The following ANKRD16 variants were observed in gnomAD, a reference collection of about 807,000 sequenced individuals.
The protein encoded by ANKRD16 is ankyrin repeat domain-containing protein 16.
A neutral mutation model predicts 37.9 loss-of-function variants in ANKRD16; 35 were observed. That is an observed-to-expected ratio of 0.92 (90% CI 0.71 to 1.23). The LOEUF is 1.23. Among genes scored for constraint, ANKRD16 ranks in the 50% most tolerant of loss-of-function variants. The pLI is 0.00. For synonymous variants in ANKRD16, 206 were observed against 197.2 expected (o/e 1.04, Z -0.37); for missense variants, 480 against 469.9 (o/e 1.02, Z -0.20).
chr10:5,862,546 T>G lies in ANKRD16; in HGVS notation c.*179A>C. 8.1e-7 allele frequency: 1 copy of G among 1,232,298 alleles called. No homozygotes were observed. Among genetic ancestry groups the G allele is most frequent in the African/African-American group, 1.6e-5 (1 of 64,480 alleles). 76.3% of individuals were successfully genotyped at this position (1,232,298 alleles called of 1,614,324 possible). Reference sequence around the variant, plus strand: ...GATGTGGCACTGACTTCACCACTGGTACACCTCAGATATACAACTTTGATC... The same window carrying G: ...GATGTGGCACTGACTTCACCACTGGGACACCTCAGATATACAACTTTGATC... On this transcript the variant is annotated 3_prime_UTR_variant, in exon 8 of 8. Transcript: ENST00000380094. This position sits in a 1 kb window ranked among gnomAD's most constrained non-coding sequence, Gnocchi z 6.5.
At position 5,874,446 on chromosome 10, in the gene ANKRD16, T is replaced by C. The variant is rs1268500597; in HGVS notation, c.*33+3651A>G. Among the ~76,000 whole-genome samples, 5 of 152,174 alleles carry C rather than the reference T, an allele frequency of 3.3e-5. No homozygotes were observed. Among genetic ancestry groups the C allele is most frequent in the African/African-American group, 1.2e-4 (5 of 41,436 alleles). ...TGGAGAGGTGTATTTAAGACATGGC[T>C]GCCACTCTCTAGGAGGAGAGTGAGA... is the stretch of plus-strand genomic sequence containing the variant. On this transcript the variant is annotated intron_variant, in intron 7 of 7. Transcript: ENST00000380094. The surrounding 1 kb of genome is among the most constrained non-coding windows in gnomAD (Gnocchi z 4.7).
chr10:5,872,729 T>TG (rs1842117560), intron 7 of ANKRD16, among the ~76,000 whole-genome samples: 1 of 151,676 alleles, frequency 6.6e-6, no homozygotes, highest in African/African-American at 2.4e-5. Context: ...GCTAATTTTT[T>TG]GTATTTTTAG....
chr10:5,884,198 T>C, intron 3 of ANKRD16, 121 bp from the exon 4 acceptor site: 1 of 682,494 alleles, frequency 1.5e-6, no homozygotes, highest in Non-Finnish European at 2.5e-6. Context: ...AGCATGGAGC[T>C]CTCTCTATTC....
chr10:5,877,705 T>C (rs894498133), intron 7 of ANKRD16, among the ~76,000 whole-genome samples: 1 of 152,234 alleles, frequency 6.6e-6, no homozygotes, highest in African/African-American at 2.4e-5. Context: ...TAGCAACGTA[T>C]GTGATATTTT....
intron 5 of ANKRD16, 79 bp from the exon 6 acceptor site, chr10:5,880,455 G>T: frequency 1.3e-6 from 1 of 794,450 alleles, no homozygotes; most frequent in South Asian, 1.9e-5. Context: ...TCTGAGACAG[G>T]TCTCAATCAA....
rs184669339 is a variant in ANKRD16 at position 5,870,718 on chromosome 10, C to A, written c.*33+7379G>T. On this transcript the variant is annotated intron_variant, in intron 7 of 7. Transcript: ENST00000380094. The surrounding 1 kb of genome is among the most constrained non-coding windows in gnomAD (Gnocchi z 5.0). ...TTTTAAAATGTTGTTTCAATTACCC[C>A]CAGGGTGTCACTCCCCTTCAGGATG... Among the ~76,000 whole-genome samples, 15 of 152,222 alleles carry A rather than the reference C, an allele frequency of 9.9e-5. No homozygotes were observed. Among genetic ancestry groups the A allele is most frequent in the East Asian group, 5.8e-4 (3 of 5,172 alleles).
intron 7 of ANKRD16, among the ~76,000 whole-genome samples, chr10:5,867,836 T>C (rs539236123): frequency 1.3e-5 from 2 of 152,304 alleles, no homozygotes; most frequent in East Asian, 3.9e-4. Context: ...CCAGTAAGGA[T>C]AGTAACTACG....
chr10:5,868,453 G>A lies in ANKRD16; in HGVS notation c.*34-5762C>T, dbSNP rs1462553806. ...ATTTCCTGGATCAAGTGGGGACTTG[G>A]AGAACTTTTCTGTCTAGCTAAAGGA... On this transcript the variant is annotated intron_variant, in intron 7 of 7. Coordinates refer to ENST00000380094, the MANE Select transcript of ANKRD16 (RefSeq NM_019046.3). This position sits in a 1 kb window ranked among gnomAD's most constrained non-coding sequence, Gnocchi z 4.9. 1.3e-5 allele frequency among the ~76,000 whole-genome samples: 2 copies of A among 152,174 alleles called. No individual in the cohort carries two copies. The highest frequency in any genetic ancestry group is 2.1e-4 in the South Asian group (1 of 4,820).
chr10:5,866,818 T>C lies in ANKRD16; in HGVS notation c.*34-4127A>G, dbSNP rs946172776. Among the ~76,000 whole-genome samples, 1 of 145,736 alleles carries C rather than the reference T, an allele frequency of 6.9e-6. No homozygotes were observed. The highest frequency in any genetic ancestry group is 2.6e-5 in the African/African-American group (1 of 39,084). On this transcript the variant is annotated intron_variant, in intron 7 of 7. Transcript: ENST00000380094. This position sits in a 1 kb window ranked among gnomAD's most constrained non-coding sequence, Gnocchi z 4.3. ...AGAGGAAGAGACAGAGACAAAGGAG[T>C]CAAAGAGGGAGACAGAGAGAGGAAG...
chr10:5,872,887 G>A (rs923861095), intron 7 of ANKRD16, among the ~76,000 whole-genome samples: 3 of 147,466 alleles, frequency 2.0e-5, no homozygotes, highest in South Asian at 4.4e-4. Context: ...TTGAGAGGGA[G>A]TCTCACTCTG....
intron 7 of ANKRD16, among the ~76,000 whole-genome samples, chr10:5,877,063 C>T (rs995872911): frequency 2.6e-5 from 4 of 152,126 alleles, no homozygotes; most frequent in African/African-American, 9.7e-5. Flanking sequence ...AAACCCCATT[C>T]TTAAACTCAG....
chr10:5,876,072 C>T (rs673678), intron 7 of ANKRD16, among the ~76,000 whole-genome samples: 125,646 of 152,110 alleles, frequency 0.83, 52,293 homozygotes, highest in Admixed American at 0.87. Flanking sequence ...TTAGAAGAAA[C>T]TGGGTTTCAC....
intron 3 of ANKRD16, 81 bp from the exon 4 acceptor site, chr10:5,884,158 G>C: frequency 9.7e-7 from 1 of 1,027,782 alleles, no homozygotes; most frequent in Non-Finnish European, 1.5e-6. Flanking sequence ...ATCACCTGCA[G>C]GTGAACTGCG....
chr10:5,888,074 C>G lies in ANKRD16; in HGVS notation c.315-7G>C. On this transcript the variant is annotated splice_polypyrimidine_tract_variant and splice_region_variant and intron_variant, in intron 1 of 7. Transcript: ENST00000380094. ...GGCCATCATCAGAGGAGTCCTAAGG[C>G]CAACCAGGAGAAGCTGTCAGATGGA... is the stretch of plus-strand genomic sequence containing the variant. 6.2e-7 allele frequency: 1 copy of G among 1,612,878 alleles called. No homozygotes were observed. Among genetic ancestry groups the G allele is most frequent in the Non-Finnish European group, 8.5e-7 (1 of 1,179,056 alleles).
rs1274660922 is a variant in ANKRD16, at chr10:5,874,063, G to C, written c.*33+4034C>G. ...GTGCCACCACGCCTGGCTAATTTTT[G>C]TATTTTTAGTAAAGACGGGATTTCA... On this transcript the variant is annotated intron_variant, in intron 7 of 7. Coordinates refer to ENST00000380094, the MANE Select transcript of ANKRD16 (RefSeq NM_019046.3). This position sits in a 1 kb window ranked among gnomAD's most constrained non-coding sequence, Gnocchi z 4.7. 6.6e-6 allele frequency among the ~76,000 whole-genome samples: 1 copy of C among 152,002 alleles called. No individual in the cohort carries two copies. The highest frequency in any genetic ancestry group is 1.5e-5 in the Non-Finnish European group (1 of 67,994).
In ANKRD16 at chr10:5,878,237, G is replaced by A. The variant is rs141292861; in HGVS notation, c.979C>T (p.Leu327=). 1.1e-4 allele frequency: 184 copies of A among 1,614,044 alleles called. No homozygotes were observed. The highest frequency in any genetic ancestry group is 1.4e-4 in the Non-Finnish European group (169 of 1,180,050). ...TCAGAATCCTTCAGTCCCGACTGCA[G>A]GAGAAACTTGGCACAGGCCAAGTGC... ...GQHLACAKFL[L]QSGLKDSEDI... Residue 327 remains leucine (L), a synonymous_variant, in exon 7 of 8, where the codon CTG becomes TTG. Coordinates refer to ENST00000380094, the MANE Select transcript of ANKRD16 (RefSeq NM_019046.3). This position sits in a 1 kb window ranked among gnomAD's most constrained non-coding sequence, Gnocchi z 5.1.
At chr10:5,877,969 C>G in intron 7 of ANKRD16, 128 bp downstream of exon 7, 1 of 1,021,126 alleles carries the variant, frequency 9.8e-7, no homozygotes, top group Non-Finnish European at 1.4e-6. Flanking sequence ...CCCCTGATCA[C>G]TGGGAACTCC....
intron 2 of ANKRD16, 93 bp from the exon 3 acceptor site, chr10:5,885,858 T>C: frequency 7.9e-7 from 1 of 1,267,752 alleles, no homozygotes; most frequent in South Asian, 1.4e-5. Context: ...CCCGTTCTAT[T>C]AGTGATAGCT....
chr10:5,885,605 T>G (rs1265786006), intron 3 of ANKRD16, 118 bp downstream of exon 3: 1 of 1,045,552 alleles, frequency 9.6e-7, no homozygotes, highest in Non-Finnish European at 1.4e-6. Context: ...TTGTTCATTT[T>G]TCTTTTGAAA....
Sources: allele counts gnomAD v4.1 joint callset (sites outside exome capture counted in the v4.1 genomes callset), GRCh38; gene constraint gnomAD v4.1.1; non-coding constraint Gnocchi (gnomAD v3.1); transcripts MANE v1.5; gene names NCBI Gene and HGNC (gene_info 2026-07-23, HGNC 2026-07-21).